Variants in MORN2 observed in about 807,000 individuals in gnomAD.
The protein encoded by MORN2 is MORN repeat-containing protein 2.
Under a neutral mutation model 13.4 loss-of-function variants are expected in MORN2, and 15 were observed. The ratio of observed to expected loss-of-function variants is 1.12; its 90% CI spans 0.75 to 1.72. MORN2 has a LOEUF of 1.72. MORN2 is among the 40% of genes most tolerant of loss of function. The pLI is 0.00. For synonymous variants in MORN2, 46 were observed against 43.6 expected, an observed-to-expected ratio of 1.06 and a Z score of -0.22; for missense variants, 168 against 134.6, an observed-to-expected ratio of 1.25 and a Z score of -1.23.
chr2:38,878,585 A>G (rs983701679), intron 1 of MORN2, among the ~76,000 whole-genome samples: 2 of 151,710 alleles, frequency 1.3e-5, no homozygotes, highest in African/African-American at 4.8e-5. Context: ...TTCTAAGCAC[A>G]TTTTTCAACC....
chr2:38,880,777 C>T (rs1490813221), intron 3 of MORN2, 71 bp downstream of exon 3: 3 of 1,513,616 alleles, frequency 2.0e-6, no homozygotes, highest in Admixed American at 4.3e-5. Flanking sequence ...AGGCATTTCA[C>T]CATTAATCAA....
chr2:38,881,213 CT>C (rs1227765806), intron 3 of MORN2, among the ~76,000 whole-genome samples: 1 of 152,154 alleles, frequency 6.6e-6, no homozygotes, highest in Non-Finnish European at 1.5e-5. Context: ...CATGGACCCC[CT>C]GATGTTCAAA....
chr2:38,879,119 G>T (rs1220664670), intron 1 of MORN2, among the ~76,000 whole-genome samples: 1 of 152,120 alleles, frequency 6.6e-6, no homozygotes, highest in Non-Finnish European at 1.5e-5. Flanking sequence ...GTCTCATTCT[G>T]TGTGGACCTA....
At position 38,877,358 on chromosome 2, in the gene MORN2, G is replaced by C. The variant is rs531752547; in HGVS notation, c.58+1248G>C. On this transcript the variant is annotated intron_variant, in intron 1 of 4. Coordinates refer to ENST00000644631, the MANE Select transcript of MORN2 (RefSeq NM_001145450.3). ...AGTAGCTCTGTGTCCCTGCTCTCTT[G>C]GAATTTCACATCTTGCAGACATGTA... is the stretch of plus-strand genomic sequence containing the variant. Among the ~76,000 whole-genome samples, 331 of 152,076 alleles carry C rather than the reference G, an allele frequency of 2.2e-3. 1 individual carries two copies. The highest frequency in any genetic ancestry group is 0.01 in the Middle Eastern group (3 of 294).
chr2:38,880,260 A>G (rs1375349078), intron 2 of MORN2, 31 bp downstream of exon 2: 2 of 399,262 alleles, frequency 5.0e-6, no homozygotes, highest in African/African-American at 2.1e-5. Flanking sequence ...CTTTTTCTGT[A>G]TAGAAAATTA....
At chr2:38,880,324 G>A (rs903053959) in intron 2 of MORN2, 95 bp downstream of exon 2, 128 of 399,176 alleles carry the variant, frequency 3.2e-4, no homozygotes, top group African/African-American at 2.5e-3. Flanking sequence ...ACTACTATTA[G>A]GATATTAACT....
chr2:38,877,236 A>T (rs1417608487), intron 1 of MORN2, among the ~76,000 whole-genome samples: 1 of 152,228 alleles, frequency 6.6e-6, no homozygotes, highest in Non-Finnish European at 1.5e-5. Context: ...ACTGCACTCC[A>T]GCCTGGGCGA....
chr2:38,879,101 C>G (rs1288030276), intron 1 of MORN2, among the ~76,000 whole-genome samples: 1 of 152,196 alleles, frequency 6.6e-6, no homozygotes, highest in Non-Finnish European at 1.5e-5. Flanking sequence ...CACTTGGTCT[C>G]CATTCCAGTC....
At chr2:38,878,775 G>A (rs1369734173) in intron 1 of MORN2, among the ~76,000 whole-genome samples, 1 of 152,070 alleles carries the variant, frequency 6.6e-6, no homozygotes, top group Non-Finnish European at 1.5e-5. Flanking sequence ...CTCTGAGGAT[G>A]TTACAGTTTA....
At chr2:38,878,521 T>C (rs1665704745) in intron 1 of MORN2, among the ~76,000 whole-genome samples, 1 of 152,180 alleles carries the variant, frequency 6.6e-6, no homozygotes. Context: ...TACTTTCTTT[T>C]TTTTTAATTA....
chr2:38,877,230 C>A (rs1321841792), intron 1 of MORN2, among the ~76,000 whole-genome samples: 1 of 152,216 alleles, frequency 6.6e-6, no homozygotes, highest in South Asian at 2.1e-4. Context: ...CAAGCCACTG[C>A]ACTCCAGCCT....
chr2:38,876,091 C>G lies in MORN2; in HGVS notation c.39C>G (p.Leu13=). 2.5e-6 allele frequency: 1 copy of G among 398,816 alleles called. No homozygotes were observed. The highest frequency in any genetic ancestry group is 4.4e-6 in the Non-Finnish European group (1 of 226,204). The allele number at this position is 398,816 out of a possible 1,614,324, so 24.7% of individuals were successfully genotyped here. ...GGGAGTCGCAGAGTTTGGAAGATCT[C>G]TCTAACACCTCTCGGCCAAGTGAGT... The change falls in exon 1 of 5, where the codon CTC becomes CTG. Residue 13 remains leucine, a synonymous_variant. Coordinates refer to ENST00000644631, the MANE Select transcript of MORN2 (RefSeq NM_001145450.3).
intron 4 of MORN2, 96 bp from the exon 5 acceptor site, chr2:38,882,317 T>C (rs557466635): frequency 7.2e-5 from 30 of 419,048 alleles, no homozygotes; most frequent in African/African-American, 6.3e-4. Flanking sequence ...GAGGATATAA[T>C]CTTCAGACAT....
intron 1 of MORN2, among the ~76,000 whole-genome samples, chr2:38,879,361 C>T (rs979921382): frequency 6.6e-6 from 1 of 151,984 alleles, no homozygotes; most frequent in Non-Finnish European, 1.5e-5. Context: ...TCATAATGGC[C>T]TCAAACTGGA....
chr2:38,881,551 A>T lies in MORN2; in HGVS notation c.326A>T (p.Lys109Met). ...ACTTACACATTCCCAAATGGGGCAA[A>T]GTATACTGGAAATTTCAATGAAAAT... Residue 109 changes from lysine to methionine, a missense_variant, in exon 4 of 5, where the codon AAG becomes ATG. By Grantham distance (95) the Lys-to-Met change is moderately conservative. Transcript: ENST00000644631. 6.6e-7 allele frequency: 1 copy of T among 1,523,458 alleles called. No individual in the cohort carries two copies. Among genetic ancestry groups the T allele is most frequent in the Non-Finnish European group, 8.8e-7 (1 of 1,138,796 alleles). The allele number at this position is 1,523,458 out of a possible 1,614,324, so 94.4% of individuals were successfully genotyped here.
intron 1 of MORN2, among the ~76,000 whole-genome samples, chr2:38,878,893 A>G (rs1190806430): frequency 6.6e-6 from 1 of 152,178 alleles, no homozygotes; most frequent in Non-Finnish European, 1.5e-5. Flanking sequence ...ACCCGTAAAG[A>G]CTGATTCAGT....
Position 38,880,648 on chromosome 2 carries a change from T to G in MORN2, c.158T>G (p.Ile53Arg). 6.5e-7 allele frequency: 1 copy of G among 1,546,552 alleles called. No individual in the cohort carries two copies. The highest frequency in any genetic ancestry group is 1.2e-5 in the South Asian group (1 of 83,220). ...TCTGGAATCTACGAGAGAAATGGAA[T>G]AGGTATTCATACCACTCCTAATGGG... Residue 53 changes from isoleucine (I) to arginine (R), a missense_variant, in exon 3 of 5, where the codon ATA becomes AGA. Ile to Arg is a moderately conservative substitution (Grantham distance 97, BLOSUM62 -3). Coordinates refer to ENST00000644631, the MANE Select transcript of MORN2 (RefSeq NM_001145450.3).
rs1166001081 is a variant in MORN2 at position 38,882,538 on chromosome 2, A to T, written c.*23A>T. ...TAGATGTGATGTTAAATTAAAGTTG[A>T]AATGTAGTAATTGAAGCTTTTAGTT... On this transcript the variant is annotated 3_prime_UTR_variant, in exon 5 of 5. Coordinates refer to ENST00000644631, the MANE Select transcript of MORN2 (RefSeq NM_001145450.3). The T allele has an allele frequency of 6.7e-7, 1 of 1,499,274 alleles. No individual in the cohort carries two copies. Among genetic ancestry groups the T allele is most frequent in the Non-Finnish European group, 9.1e-7 (1 of 1,100,934 alleles). The allele number at this position is 1,499,274 out of a possible 1,614,324, so 92.9% of individuals were successfully genotyped here. A position where few individuals can be genotyped will look rare whatever the true frequency, so the allele number is the denominator to read the frequency against.
chr2:38,882,409 G>T lies in MORN2; in HGVS notation c.354-4G>T, dbSNP rs752728320. ...AATGGAAAACTTATTTTCTACTATTGCAGGGTGGAAGGTGAAGGGGAATAT... is the reference window on the plus strand; with the variant it reads ...AATGGAAAACTTATTTTCTACTATTTCAGGGTGGAAGGTGAAGGGGAATAT... On this transcript the variant is annotated splice_region_variant and splice_polypyrimidine_tract_variant and intron_variant, in intron 4 of 4. Coordinates refer to ENST00000644631, the MANE Select transcript of MORN2 (RefSeq NM_001145450.3). The T allele has an allele frequency of 3.9e-6, 6 of 1,533,334 alleles. No individual in the cohort carries two copies. In the South Asian group the frequency reaches 6.0e-5, roughly 15 times the overall value. The allele number at this position is 1,533,334 out of a possible 1,614,324, so 95.0% of individuals were successfully genotyped here.
Sources: gnomAD v4.1 joint callset for allele counts (sites outside exome capture counted in the v4.1 genomes callset) on GRCh38, gnomAD v4.1.1 for gene constraint, MANE v1.5 for transcripts, NCBI Gene and HGNC (gene_info 2026-07-23, HGNC 2026-07-21) for gene names.